The following LMCD1 variants were observed in gnomAD, a reference collection of about 807,000 sequenced individuals.
The protein encoded by LMCD1 is LIM and cysteine rich domains 1.
LMCD1 carries 32 observed loss-of-function variants against 42.7 expected under a neutral mutation model. That is an observed-to-expected ratio of 0.75 (90% CI 0.57 to 1.01). LMCD1 has a LOEUF of 1.01. LMCD1 is among the 50% of genes least tolerant of loss of function. The probability of loss-of-function intolerance (pLI) is 0.00; values close to 1 mark genes in which losing one functional copy is unlikely to be tolerated. For synonymous variants in LMCD1, 178 were observed against 184.9 expected (o/e 0.96, Z 0.30); for missense variants, 458 against 483.1 (o/e 0.95, Z 0.49).
chr3:8,531,352 T>G (rs961241007), intron 1 of LMCD1, among the ~76,000 whole-genome samples: 2 of 152,224 alleles, frequency 1.3e-5, no homozygotes, highest in Non-Finnish European at 1.5e-5. Context: ...TCACCTCCTC[T>G]AAGAAGAAGT....
At chr3:8,540,051 A>G (rs889517485) in intron 3 of LMCD1, among the ~76,000 whole-genome samples, 6 of 151,182 alleles carry the variant, frequency 4.0e-5, no homozygotes, top group East Asian at 2.0e-4. Context: ...CAATGCAGCC[A>G]TAAAAAAGGA....
At chr3:8,509,432 T>A (rs1348696037) in intron 1 of LMCD1, among the ~76,000 whole-genome samples, 1 of 152,150 alleles carries the variant, frequency 6.6e-6, no homozygotes, top group Non-Finnish European at 1.5e-5. Flanking sequence ...TACCAGTCTT[T>A]CCCTCCAATG....
At chr3:8,503,855 T>C (rs1398822139) in intron 1 of LMCD1, among the ~76,000 whole-genome samples, 1 of 152,248 alleles carries the variant, frequency 6.6e-6, no homozygotes, top group Non-Finnish European at 1.5e-5. Context: ...AGCTGGTTGA[T>C]AGTTACTGTA....
At chr3:8,555,884 G>T (rs774764620) in intron 4 of LMCD1, among the ~76,000 whole-genome samples, 6 of 151,952 alleles carry the variant, frequency 3.9e-5, no homozygotes, top group Non-Finnish European at 8.8e-5. Context: ...CACTAAAGCC[G>T]CCATAGGCAA....
At chr3:8,544,179 C>T (rs1378608887) in intron 3 of LMCD1, among the ~76,000 whole-genome samples, 1 of 152,108 alleles carries the variant, frequency 6.6e-6, no homozygotes, top group Non-Finnish European at 1.5e-5. Context: ...AATGAGATTG[C>T]CAGGGACTTC....
At chr3:8,542,630 G>A (rs1214549193) in intron 3 of LMCD1, among the ~76,000 whole-genome samples, 1 of 152,208 alleles carries the variant, frequency 6.6e-6, no homozygotes, top group Non-Finnish European at 1.5e-5. Flanking sequence ...CTGAAATGAT[G>A]ACAAAAGGAA....
chr3:8,541,310 GA>G (rs1694622099), intron 3 of LMCD1, among the ~76,000 whole-genome samples: 1 of 152,166 alleles, frequency 6.6e-6, no homozygotes, highest in Non-Finnish European at 1.5e-5. Context: ...AGCACTTTGG[GA>G]AGCCGAGGCA....
intron 1 of LMCD1, among the ~76,000 whole-genome samples, chr3:8,525,769 T>C (rs1694287824): frequency 6.6e-6 from 1 of 152,208 alleles, no homozygotes; most frequent in African/African-American, 2.4e-5. Context: ...GAAGTTACAA[T>C]GGTGAGACCA....
rs78296357 is a variant in LMCD1, at chr3:8,556,735, G to A, written c.723+7832G>A. ...CCTTTTGCAAGGAGCCAGTCCTTGG[G>A]CCCATGCTTGTCAGAGCTGGATTTG... On this transcript the variant is annotated intron_variant, in intron 4 of 5. Coordinates refer to ENST00000157600, the MANE Select transcript of LMCD1 (RefSeq NM_014583.4). Among the ~76,000 whole-genome samples the A allele has an allele frequency of 1.6e-4, 25 of 152,302 alleles. No individual in the cohort carries two copies. In the East Asian group the frequency reaches 4.2e-3, roughly 26 times the overall value.
At chr3:8,552,833 C>T (rs1472493318) in intron 4 of LMCD1, among the ~76,000 whole-genome samples, 2 of 152,190 alleles carry the variant, frequency 1.3e-5, no homozygotes, top group African/African-American at 4.8e-5. Context: ...ACGCCATTCT[C>T]CTGCCTCAGC....
chr3:8,533,923 G>A (rs534642008), intron 2 of LMCD1, among the ~76,000 whole-genome samples: 25 of 151,824 alleles, frequency 1.6e-4, no homozygotes, highest in Admixed American at 2.6e-4. Context: ...AGCTCGCACC[G>A]TCTTCTGGTT....
In LMCD1 at chr3:8,506,829, C is replaced by T. The variant is rs190741358; in HGVS notation, c.42+4849C>T. 6.6e-5 allele frequency among the ~76,000 whole-genome samples: 10 copies of T among 152,292 alleles called. 1 individual carries two copies. Among genetic ancestry groups the T allele is most frequent in the Admixed American group, 5.9e-4 (9 of 15,292 alleles). ...ATAGGTCACCTTTCCTAGGAAGTGG[C>T]AGAATTTGGATGAGAACCAGGGTTC... On this transcript the variant is annotated intron_variant, in intron 1 of 5. Coordinates refer to ENST00000157600, the MANE Select transcript of LMCD1 (RefSeq NM_014583.4).
rs1695214002 is a variant in LMCD1 at position 8,571,310 on chromosome 3, A to T, written c.*3712A>T. The stretch of plus-strand genomic sequence containing the variant: ...CCAACTCTTAGTACAAATCCTGGCA[A>T]CTAAATGAAAGAACAAACAACCTGG... On this transcript the variant is annotated 3_prime_UTR_variant, in exon 6 of 6. Transcript: ENST00000157600. The T allele has an allele frequency of 6.6e-6, 1 of 152,218 alleles. No homozygotes were observed. The allele number at this position is 152,218 out of a possible 1,614,324, so 9.4% of individuals were successfully genotyped here.
chr3:8,528,592 A>T (rs1018831233), intron 1 of LMCD1, among the ~76,000 whole-genome samples: 7 of 152,190 alleles, frequency 4.6e-5, no homozygotes, highest in Admixed American at 6.5e-5. Flanking sequence ...AAGGGCAGGG[A>T]TAATTCATTT....
intron 4 of LMCD1, chr3:8,550,001 C>A: frequency 6.7e-7 from 1 of 1,498,362 alleles, no homozygotes; most frequent in South Asian, 1.2e-5. Flanking sequence ...TACTGCCATG[C>A]AGAGGATTAT....
intron 1 of LMCD1, among the ~76,000 whole-genome samples, chr3:8,523,408 CAT>C (rs1404787367): frequency 5.3e-5 from 8 of 152,230 alleles, no homozygotes; most frequent in Non-Finnish European, 1.0e-4. Context: ...GAGCATCTGT[CAT>C]ATGACCCCAA....
At chr3:8,531,514 G>A (rs533647843) in intron 1 of LMCD1, among the ~76,000 whole-genome samples, 1 of 152,332 alleles carries the variant, frequency 6.6e-6, no homozygotes, top group African/African-American at 2.4e-5. Context: ...CCACTTGGCA[G>A]ATAAGGAAAC....
intron 3 of LMCD1, among the ~76,000 whole-genome samples, chr3:8,547,746 A>AGCCGGTC (rs59400496): frequency 3.3e-5 from 5 of 151,652 alleles, no homozygotes; most frequent in Middle Eastern, 3.4e-3. Context: ...CAAAAAAATT[A>AGCCGGTC]GCAGTGGCGG....
chr3:8,567,425 T>C lies in LMCD1; in HGVS notation c.940-15T>C, dbSNP rs571391148. 18 of 1,612,942 alleles carry C rather than the reference T, an allele frequency of 1.1e-5. No homozygotes were observed. The East Asian group carries it at 3.1e-4, about 28-fold the overall frequency. On this transcript the variant is annotated splice_polypyrimidine_tract_variant and intron_variant, in intron 5 of 5. Coordinates refer to ENST00000157600, the MANE Select transcript of LMCD1 (RefSeq NM_014583.4). Reference sequence around the variant, plus strand: ...CAGAAACTGAGTCATGCATTTCTCCTGCTCCCCTCCCCAGATAATATTCGC... The same window carrying C: ...CAGAAACTGAGTCATGCATTTCTCCCGCTCCCCTCCCCAGATAATATTCGC...
Sources: gnomAD v4.1 joint callset for allele counts (sites outside exome capture counted in the v4.1 genomes callset) on GRCh38, gnomAD v4.1.1 for gene constraint, MANE v1.5 for transcripts, NCBI Gene and HGNC (gene_info 2026-07-23, HGNC 2026-07-21) for gene names.